PSKH1: variants seen among roughly 807,000 people sequenced by gnomAD.
The protein encoded by PSKH1 is serine/threonine-protein kinase H1.
PSKH1 carries 12 observed loss-of-function variants against 26.7 expected under a neutral mutation model. The ratio of observed to expected loss-of-function variants is 0.45; its 90% CI spans 0.29 to 0.73. The LOEUF (loss-of-function observed/expected upper bound fraction) is 0.73, where lower values mean the gene tolerates loss of function less well. Among genes scored for constraint, PSKH1 ranks in the 30% least tolerant of loss-of-function variants. The pLI is 0.11. For synonymous variants in PSKH1, 213 were observed against 234.3 expected (o/e 0.91, Z 0.83); for missense variants, 431 against 595.2 (o/e 0.72, Z 2.87).
chr16:67,900,037 C>G (rs1210765769), intron 1 of PSKH1, among the ~76,000 whole-genome samples: 1 of 152,106 alleles, frequency 6.6e-6, no homozygotes, highest in Non-Finnish European at 1.5e-5. Context: ...TCTCAGCCTA[C>G]TGCAACCTCT....
At chr16:67,913,468 A>AT (rs555051134) in intron 2 of PSKH1, among the ~76,000 whole-genome samples, 71 of 150,082 alleles carry the variant, frequency 4.7e-4, no homozygotes, top group African/African-American at 6.1e-4. Flanking sequence ...CTTAAAAAAA[A>AT]TTTTTTTTTT....
At chr16:67,895,410 ATT>A (rs569189607) in intron 1 of PSKH1, among the ~76,000 whole-genome samples, 1 of 138,100 alleles carries the variant, frequency 7.2e-6, no homozygotes. Flanking sequence ...AGGAATCTGT[ATT>A]TTTTTTTTTT....
chr16:67,926,148 G>T (rs2058215715), intron 2 of PSKH1, among the ~76,000 whole-genome samples: 1 of 152,154 alleles, frequency 6.6e-6, no homozygotes, highest in Non-Finnish European at 1.5e-5. Flanking sequence ...TCTGCAGCAG[G>T]CTCAGGAAAG....
chr16:67,909,533 G>A lies in PSKH1; in HGVS notation c.784G>A (p.Glu262Lys). The A allele has an allele frequency of 6.2e-7, 1 of 1,613,872 alleles. No homozygotes were observed. The highest frequency in any genetic ancestry group is 8.5e-7 in the Non-Finnish European group (1 of 1,180,042). The change falls in exon 2 of 3, where the codon GAG (glutamate) becomes AAG (lysine). Residue 262 changes from glutamate to lysine, a missense_variant. By Grantham distance (56) the Glu-to-Lys change is moderately conservative (BLOSUM62 1). Transcript: ENST00000291041. The surrounding 1 kb of genome is among the most constrained non-coding windows in gnomAD (Gnocchi z 7.8). ...GATGAAGACCACCTGTGGCACGCCT[G>A]AGTACATTGCCCCAGAAGTCCTGGT... Reference protein sequence around the residue: ...CLMKTTCGTPEYIAPEVLVRK... With the variant: ...CLMKTTCGTPKYIAPEVLVRK...
Position 67,927,563 on chromosome 16 carries a change from G to T in PSKH1, c.1196G>T (p.Arg399Leu). 3 of 1,613,824 alleles carry T rather than the reference G, an allele frequency of 1.9e-6. No homozygotes were observed. The highest frequency in any genetic ancestry group is 2.5e-6 in the Non-Finnish European group (3 of 1,180,036). ...AQSTRSSRST[R>L]SNKSRRVRER... ...TCCACGCGTTCCAGCCGCTCCACACGCTCCAATAAGTCACGCCGTGTGCGG... is the reference window on the plus strand; with the variant it reads ...TCCACGCGTTCCAGCCGCTCCACACTCTCCAATAAGTCACGCCGTGTGCGG... The change falls in exon 3 of 3, where the codon CGC (arginine) becomes CTC (leucine). Residue 399 changes from arginine to leucine, a missense_variant. Physicochemically the swap from Arg to Leu is moderately radical, Grantham distance 102. Transcript: ENST00000291041. The surrounding 1 kb of genome is among the most constrained non-coding windows in gnomAD (Gnocchi z 5.5).
At chr16:67,923,217 G>T (rs2151314987) in intron 2 of PSKH1, among the ~76,000 whole-genome samples, 1 of 152,178 alleles carries the variant, frequency 6.6e-6, no homozygotes, top group East Asian at 1.9e-4. Flanking sequence ...GGTGCTCACG[G>T]AAGAGGTCGC....
intron 1 of PSKH1, among the ~76,000 whole-genome samples, chr16:67,897,480 C>T (rs118106500): frequency 0.03 from 4,548 of 152,226 alleles, 98 homozygotes; most frequent in Middle Eastern, 0.16. Flanking sequence ...TTGAAATGGC[C>T]TCTCAGGGCA....
In PSKH1 at chr16:67,919,486, G is replaced by T. The variant is rs1243887969; in HGVS notation, c.958-7839G>T. 3.3e-5 allele frequency among the ~76,000 whole-genome samples: 5 copies of T among 152,346 alleles called. No individual in the cohort carries two copies. In the South Asian group the frequency reaches 1.0e-3, roughly 32 times the overall value. On this transcript the variant is annotated intron_variant, in intron 2 of 2. Coordinates refer to ENST00000291041, the MANE Select transcript of PSKH1 (RefSeq NM_006742.3). ...AGTGCTGGATGCTTGTGCTGTCTGT[G>T]TGTGAGGATCCCATGAGGATGATCA...
chr16:67,925,857 C>T (rs1055359602), intron 2 of PSKH1, among the ~76,000 whole-genome samples: 3 of 152,290 alleles, frequency 2.0e-5, no homozygotes, highest in East Asian at 1.9e-4. Context: ...CTCCCTGCCT[C>T]ATCCCTCTGT....
At position 67,927,511 on chromosome 16, in the gene PSKH1, C is replaced by T. The variant is rs201909376; in HGVS notation, c.1144C>T (p.Arg382Cys). The stretch of plus-strand genomic sequence containing the variant: ...GAACCTCCTTAAACGTGCCTCCTCG[C>T]GCTGCCAGAGCACCAAATCTGCCCA... ...SQNLLKRASS[R>C]CQSTKSAQST... Residue 382 changes from arginine (R) to cysteine (C), a missense_variant, in exon 3 of 3, where the codon CGC becomes TGC. Arg to Cys is a radical substitution (Grantham distance 180, BLOSUM62 -3). Coordinates refer to ENST00000291041, the MANE Select transcript of PSKH1 (RefSeq NM_006742.3). This position sits in a 1 kb window ranked among gnomAD's most constrained non-coding sequence, Gnocchi z 5.5. The T allele has an allele frequency of 8.2e-5, 133 of 1,614,040 alleles. No individual in the cohort carries two copies. Among genetic ancestry groups the T allele is most frequent in the South Asian group, 6.5e-4 (59 of 91,094 alleles).
chr16:67,904,253 G>C (rs1377737915), intron 1 of PSKH1, among the ~76,000 whole-genome samples: 1 of 151,760 alleles, frequency 6.6e-6, no homozygotes, highest in Non-Finnish European at 1.5e-5. Context: ...CCAGGCTGGA[G>C]TGCAGTGGCG....
chr16:67,912,337 G>A (rs2058175649), intron 2 of PSKH1, among the ~76,000 whole-genome samples: 1 of 152,176 alleles, frequency 6.6e-6, no homozygotes, highest in African/African-American at 2.4e-5. Flanking sequence ...TAAAGCTTTG[G>A]GTTTGGTTCC....
chr16:67,915,835 G>GACACTGC (rs2058186395), intron 2 of PSKH1, among the ~76,000 whole-genome samples: 1 of 152,122 alleles, frequency 6.6e-6, no homozygotes, highest in Non-Finnish European at 1.5e-5. Context: ...TGTTCTCCTG[G>GACACTGC]CCACTGCCCA....
intron 1 of PSKH1, among the ~76,000 whole-genome samples, chr16:67,900,344 C>G (rs2058138250): frequency 6.6e-6 from 1 of 152,160 alleles, no homozygotes; most frequent in Non-Finnish European, 1.5e-5. Context: ...CCCCTTCCCT[C>G]AAGGGTCTGA....
intron 1 of PSKH1, among the ~76,000 whole-genome samples, chr16:67,899,484 T>C (rs528750483): frequency 2.7e-5 from 4 of 149,516 alleles, no homozygotes; most frequent in Admixed American, 6.7e-5. Context: ...TACAGGCGCC[T>C]GCCACCACAC....
chr16:67,917,237 G>A (rs1320771029), intron 2 of PSKH1, among the ~76,000 whole-genome samples: 1 of 152,204 alleles, frequency 6.6e-6, no homozygotes, highest in South Asian at 2.1e-4. Context: ...ACTTGGCCAT[G>A]GTCTCCCGAC....
At chr16:67,920,189 T>A in intron 2 of PSKH1, among the ~76,000 whole-genome samples, 1 of 152,228 alleles carries the variant, frequency 6.6e-6, no homozygotes, top group Non-Finnish European at 1.5e-5. Context: ...CTCTGTCGCT[T>A]CTGGGCCCTC....
intron 2 of PSKH1, among the ~76,000 whole-genome samples, chr16:67,914,939 C>T (rs1288533334): frequency 6.6e-6 from 1 of 152,082 alleles, no homozygotes; most frequent in Non-Finnish European, 1.5e-5. Flanking sequence ...TGCTACAAGC[C>T]TGTAGGTTTG....
chr16:67,921,777 C>T (rs2058203313), intron 2 of PSKH1, among the ~76,000 whole-genome samples: 1 of 152,166 alleles, frequency 6.6e-6, no homozygotes, highest in East Asian at 1.9e-4. Flanking sequence ...AGGCCTATTG[C>T]AAAGCGAGCA....
Sources: allele counts gnomAD v4.1 joint callset (sites outside exome capture counted in the v4.1 genomes callset), GRCh38; gene constraint gnomAD v4.1.1; non-coding constraint Gnocchi (gnomAD v3.1); transcripts MANE v1.5; gene names NCBI Gene and HGNC (gene_info 2026-07-23, HGNC 2026-07-21).